Variants in CSMD1 observed in about 807,000 individuals in gnomAD.
The protein encoded by CSMD1 is CUB and sushi domain-containing protein 1.
A neutral mutation model predicts 417.5 loss-of-function variants in CSMD1; 213 were observed. The observed-to-expected ratio is 0.51, with a 90% CI of 0.46 to 0.57. The LOEUF (loss-of-function observed/expected upper bound fraction) is 0.57, where lower values mean the gene tolerates loss of function less well. Ranked by LOEUF, CSMD1 falls within the 20% of genes least tolerant of loss-of-function variation. The pLI, the probability that CSMD1 is intolerant of heterozygous loss-of-function variation, is 0.00. For missense variants in CSMD1, 6,923 were observed against 4,529.7 expected (o/e 1.53, Z -15.17); for synonymous variants, 2,862 against 1,736.8 (o/e 1.65, Z -16.11).
intron 5 of CSMD1, among the ~76,000 whole-genome samples, chr8:3,890,180 G>A (rs888155018): frequency 9.2e-5 from 14 of 152,180 alleles, no homozygotes; most frequent in African/African-American, 3.4e-4. Context: ...GATAACTAAA[G>A]TATCATATTC....
At chr8:4,319,208 T>C (rs1480208179) in intron 3 of CSMD1, among the ~76,000 whole-genome samples, 1 of 152,200 alleles carries the variant, frequency 6.6e-6, no homozygotes, top group African/African-American at 2.4e-5. Flanking sequence ...TTACAGATTT[T>C]GATGAAAAGT....
At chr8:3,848,909 G>T (rs34144336) in intron 5 of CSMD1, among the ~76,000 whole-genome samples, 63,798 of 150,372 alleles carry the variant, frequency 0.42, 15,096 homozygotes, top group African/African-American at 0.65. Context: ...TACATATCTA[G>T]ATATCATATA....
chr8:3,317,114 A>C (rs558086107), intron 23 of CSMD1, among the ~76,000 whole-genome samples: 2 of 152,258 alleles, frequency 1.3e-5, no homozygotes, highest in South Asian at 4.1e-4. Flanking sequence ...CACCAGAGAA[A>C]AATGCAGCTC....
intron 68 of CSMD1, among the ~76,000 whole-genome samples, chr8:2,943,378 C>G (rs866323532): frequency 6.6e-6 from 1 of 152,014 alleles, no homozygotes; most frequent in East Asian, 1.9e-4. Flanking sequence ...CAGGTGCCTG[C>G]CGCCATGCCT....
intron 57 of CSMD1, among the ~76,000 whole-genome samples, chr8:2,972,760 C>T (rs1027877985): frequency 6.6e-6 from 1 of 152,152 alleles, no homozygotes; most frequent in Non-Finnish European, 1.5e-5. Context: ...CGGAAATTCC[C>T]ATCAGTGATC....
At chr8:3,879,340 T>TAG (rs35025781) in intron 5 of CSMD1, among the ~76,000 whole-genome samples, 35,108 of 152,006 alleles carry the variant, frequency 0.23, 5,367 homozygotes, top group African/African-American at 0.44. Context: ...ACAAGATTAT[T>TAG]ATTCATTAGA....
chr8:3,812,946 T>C (rs1358223470), intron 5 of CSMD1, among the ~76,000 whole-genome samples: 3 of 152,166 alleles, frequency 2.0e-5, no homozygotes, highest in East Asian at 1.9e-4. Flanking sequence ...CAGGTATCTA[T>C]CATGGTAAAG....
intron 1 of CSMD1, among the ~76,000 whole-genome samples, chr8:4,803,419 C>T (rs1249231809): frequency 1.3e-5 from 2 of 152,118 alleles, no homozygotes; most frequent in Non-Finnish European, 1.5e-5. Flanking sequence ...CTAGATTTGT[C>T]TCTTGTCTCT....
At chr8:4,651,848 G>T (rs942733629) in intron 1 of CSMD1, among the ~76,000 whole-genome samples, 4 of 152,162 alleles carry the variant, frequency 2.6e-5, no homozygotes, top group South Asian at 2.1e-4. Context: ...GGAATTAAAG[G>T]ACTCCTGTCT....
chr8:4,739,726 G>A (rs981951594), intron 1 of CSMD1, among the ~76,000 whole-genome samples: 2 of 152,082 alleles, frequency 1.3e-5, no homozygotes, highest in African/African-American at 2.4e-5. Context: ...AGGAGCTCGT[G>A]GTGGTACTTT....
At chr8:4,809,204 T>C (rs1798762845) in intron 1 of CSMD1, among the ~76,000 whole-genome samples, 1 of 152,234 alleles carries the variant, frequency 6.6e-6, no homozygotes, top group Non-Finnish European at 1.5e-5. Context: ...AATTCACTGA[T>C]ATTATTCTTT....
At chr8:4,041,058 C>G (rs1429143022) in intron 3 of CSMD1, among the ~76,000 whole-genome samples, 5 of 144,870 alleles carry the variant, frequency 3.5e-5, no homozygotes, top group South Asian at 2.2e-4. Flanking sequence ...GCTCTGTCGC[C>G]CAGGCTGGAG....
At chr8:3,932,550 G>C (rs1810223677) in intron 5 of CSMD1, among the ~76,000 whole-genome samples, 1 of 150,560 alleles carries the variant, frequency 6.6e-6, no homozygotes, top group Non-Finnish European at 1.5e-5. Flanking sequence ...CACAATTAAA[G>C]TTCAATGCAT....
intron 41 of CSMD1, among the ~76,000 whole-genome samples, chr8:3,123,634 G>A (rs1817332251): frequency 6.6e-6 from 1 of 152,062 alleles, no homozygotes; most frequent in Admixed American, 6.5e-5. Context: ...AAAGCTGATT[G>A]CTGGTTTCTA....
At chr8:3,899,798 A>C (rs1807609151) in intron 5 of CSMD1, among the ~76,000 whole-genome samples, 1 of 152,216 alleles carries the variant, frequency 6.6e-6, no homozygotes, top group South Asian at 2.1e-4. Flanking sequence ...GGAAGGTGAC[A>C]GTGGATAGCA....
At chr8:3,772,466 TA>T (rs1798646195) in intron 5 of CSMD1, among the ~76,000 whole-genome samples, 1 of 76,638 alleles carries the variant, frequency 1.3e-5, no homozygotes. Flanking sequence ...TATACATATA[TA>T]CACATATATA....
chr8:3,535,000 T>C (rs1195555890), intron 10 of CSMD1, among the ~76,000 whole-genome samples: 1 of 152,144 alleles, frequency 6.6e-6, no homozygotes, highest in East Asian at 1.9e-4. Flanking sequence ...CAGGCTGGAG[T>C]GCAGTGGTGC....
chr8:4,893,944 T>C (rs551727375), intron 1 of CSMD1, among the ~76,000 whole-genome samples: 3 of 152,292 alleles, frequency 2.0e-5, no homozygotes, highest in East Asian at 1.9e-4. Flanking sequence ...TTAAATGTTG[T>C]AAAGCTTTTT....
At chr8:3,533,827 C>G (rs1337977391) in intron 10 of CSMD1, among the ~76,000 whole-genome samples, 2 of 152,146 alleles carry the variant, frequency 1.3e-5, no homozygotes, top group East Asian at 3.9e-4. Context: ...TTTTTTCTCC[C>G]AAGTAGCTGT....
Sources: gnomAD v4.1 joint callset for allele counts (sites outside exome capture counted in the v4.1 genomes callset) on GRCh38, gnomAD v4.1.1 for gene constraint, MANE v1.5 for transcripts, NCBI Gene and HGNC (gene_info 2026-07-23, HGNC 2026-07-21) for gene names.